The following ALOX5 variants were observed in gnomAD, a reference collection of about 807,000 sequenced individuals.
ALOX5 encodes polyunsaturated fatty acid 5-lipoxygenase.
In ALOX5, 64 loss-of-function variants were observed where a neutral mutation model predicts 87.9. The ratio of observed to expected loss-of-function variants is 0.73; its 90% CI spans 0.60 to 0.90. ALOX5 has a LOEUF of 0.90. ALOX5 is among the 40% of genes least tolerant of loss of function. The pLI is 0.00. For missense variants in ALOX5, 822 were observed against 907.5 expected (o/e 0.91, Z 1.21); for synonymous variants, 388 against 355.1 (o/e 1.09, Z -1.04).
At chr10:45,387,886 A>G (rs1000523442) in intron 2 of ALOX5, among the ~76,000 whole-genome samples, 1 of 152,204 alleles carries the variant, frequency 6.6e-6, no homozygotes, top group African/African-American at 2.4e-5. Context: ...AATGCAGAAG[A>G]TGGGTGATTT....
At chr10:45,423,941 G>A (rs28395867) in intron 4 of ALOX5, 100 bp from the exon 5 acceptor site, 12,646 of 882,594 alleles carry the variant, frequency 0.014, 576 homozygotes, top group African/African-American at 0.12. Context: ...TGCCTGGAGG[G>A]GGCGGGGGTT....
intron 6 of ALOX5, among the ~76,000 whole-genome samples, chr10:45,427,869 G>A (rs1002828258): frequency 6.6e-5 from 10 of 152,156 alleles, no homozygotes; most frequent in African/African-American, 2.4e-4. Context: ...CTACAGCAAA[G>A]GGCACGGATC....
intron 4 of ALOX5, among the ~76,000 whole-genome samples, chr10:45,422,008 C>T (rs561270166): frequency 6.6e-6 from 1 of 152,260 alleles, no homozygotes; most frequent in African/African-American, 2.4e-5. Flanking sequence ...AGCATCATGG[C>T]CTCCTAGGAG....
chr10:45,403,630 A>G (rs572255512), intron 3 of ALOX5, among the ~76,000 whole-genome samples: 66 of 152,286 alleles, frequency 4.3e-4, no homozygotes, highest in African/African-American at 1.5e-3. Flanking sequence ...TCTATTTCCC[A>G]ATTGAAAAAT....
At chr10:45,407,091 C>A (rs1840911848) in intron 3 of ALOX5, among the ~76,000 whole-genome samples, 1 of 152,180 alleles carries the variant, frequency 6.6e-6, no homozygotes, top group Non-Finnish European at 1.5e-5. Context: ...TGCTTGTCGT[C>A]CTGTCCCCCT....
At chr10:45,376,860 G>A (rs961519172) in intron 1 of ALOX5, among the ~76,000 whole-genome samples, 7 of 152,198 alleles carry the variant, frequency 4.6e-5, no homozygotes, top group African/African-American at 1.7e-4. Flanking sequence ...ATAAACGGTT[G>A]TGTCTTCCTT....
rs539872764 is a variant in ALOX5 at position 45,423,638 on chromosome 10, A to C, written c.555-403A>C. ...GGAGCCATTTAGCAGAAAATACATG[A>C]GTTTTCAAGTCAATTGAACTGTTCA... On this transcript the variant is annotated intron_variant, in intron 4 of 13. Coordinates refer to ENST00000374391, the MANE Select transcript of ALOX5 (RefSeq NM_000698.5). Among the ~76,000 whole-genome samples, 6 of 152,324 alleles carry C rather than the reference A, an allele frequency of 3.9e-5. No homozygotes were observed. The East Asian group carries it at 1.2e-3, about 29-fold the overall frequency.
chr10:45,383,649 A>C (rs1839919369), intron 2 of ALOX5, among the ~76,000 whole-genome samples: 1 of 152,202 alleles, frequency 6.6e-6, no homozygotes, highest in Non-Finnish European at 1.5e-5. Flanking sequence ...CCCCCATTTT[A>C]TAGCTAAGAA....
chr10:45,446,039 A>C lies in ALOX5; in HGVS notation c.*352A>C. 1 of 264,700 alleles carries C rather than the reference A, an allele frequency of 3.8e-6. No individual in the cohort carries two copies. The highest frequency in any genetic ancestry group is 7.1e-6 in the Non-Finnish European group (1 of 140,780). The allele number at this position is 264,700 out of a possible 1,614,324, so 16.4% of individuals were successfully genotyped here. On this transcript the variant is annotated 3_prime_UTR_variant, in exon 14 of 14. Transcript: ENST00000374391. ...ATTTGTGCTTAGTCCAATTCCTTGC[A>C]CATAGTAGGTACCCAATTCAATTAC... is the stretch of plus-strand genomic sequence containing the variant.
chr10:45,434,534 G>C (rs1159379230), intron 7 of ALOX5, among the ~76,000 whole-genome samples: 1 of 152,206 alleles, frequency 6.6e-6, no homozygotes, highest in Non-Finnish European at 1.5e-5. Context: ...GACCTGGAGG[G>C]GTCTCCACAA....
At chr10:45,403,140 A>C (rs1430086982) in intron 3 of ALOX5, among the ~76,000 whole-genome samples, 5 of 152,256 alleles carry the variant, frequency 3.3e-5, no homozygotes, top group Non-Finnish European at 5.9e-5. Flanking sequence ...GAAATCCTAT[A>C]GTGGGATCCA....
chr10:45,443,889 G>GC (rs1842338124), intron 12 of ALOX5, 61 bp downstream of exon 12: 2 of 1,525,900 alleles, frequency 1.3e-6, no homozygotes, highest in Non-Finnish European at 1.8e-6. Flanking sequence ...CTCCTCCCCC[G>GC]CCCCGGTTCT....
chr10:45,401,869 C>T (rs1347521587), intron 3 of ALOX5, among the ~76,000 whole-genome samples: 2 of 151,996 alleles, frequency 1.3e-5, no homozygotes, highest in Non-Finnish European at 2.9e-5. Context: ...GGTGGATCAC[C>T]AGGTCAGGAG....
intron 4 of ALOX5, 151 bp downstream of exon 4, chr10:45,412,464 G>T: frequency 1.9e-6 from 2 of 1,047,722 alleles, no homozygotes; most frequent in Non-Finnish European, 2.7e-6. Flanking sequence ...CCATAGAGTG[G>T]ATTCTCAACG....
At chr10:45,394,899 T>C (rs1448011686) in intron 2 of ALOX5, among the ~76,000 whole-genome samples, 2 of 152,246 alleles carry the variant, frequency 1.3e-5, no homozygotes, top group African/African-American at 4.8e-5. Flanking sequence ...ATCAAAACCA[T>C]AATGATATAC....
chr10:45,444,344 A>C, intron 13 of ALOX5, 58 bp downstream of exon 13: 1 of 1,496,652 alleles, frequency 6.7e-7, no homozygotes, highest in Non-Finnish European at 9.0e-7. Context: ...GCGGTTCCTC[A>C]GCCTCAGGGC....
At chr10:45,389,384 A>G (rs1037193431) in intron 2 of ALOX5, among the ~76,000 whole-genome samples, 2 of 152,204 alleles carry the variant, frequency 1.3e-5, no homozygotes, top group African/African-American at 2.4e-5. Flanking sequence ...TCCGAGACAC[A>G]TAATTGTCAG....
intron 2 of ALOX5, 90 bp downstream of exon 2, chr10:45,382,771 C>T: frequency 1.4e-6 from 2 of 1,448,378 alleles, no homozygotes; most frequent in Non-Finnish European, 1.9e-6. Flanking sequence ...GGAGGAATGA[C>T]ACTGCTGTGC....
At chr10:45,391,060 C>CCACGG (rs1840217628) in intron 2 of ALOX5, among the ~76,000 whole-genome samples, 15 of 58,494 alleles carry the variant, frequency 2.6e-4, no homozygotes, top group Non-Finnish European at 3.8e-4. Flanking sequence ...TCCCCTCTCC[C>CCACGG]TCTCCCTCTC....
Sources: gnomAD v4.1 joint callset for allele counts (sites outside exome capture counted in the v4.1 genomes callset) on GRCh38, gnomAD v4.1.1 for gene constraint, MANE v1.5 for transcripts, NCBI Gene and HGNC (gene_info 2026-07-23, HGNC 2026-07-21) for gene names.